RIMS1: variants seen among roughly 807,000 people sequenced by gnomAD.
RIMS1 encodes the protein regulating synaptic membrane exocytosis protein 1.
A neutral mutation model predicts 214.1 loss-of-function variants in RIMS1; 83 were observed. The observed-to-expected ratio is 0.39, with a 90% CI of 0.32 to 0.47. RIMS1 has a LOEUF of 0.47. RIMS1 is among the 20% of genes least tolerant of loss of function. RIMS1 has a pLI of 0.99. For synonymous variants in RIMS1, 793 were observed against 786.8 expected, an observed-to-expected ratio of 1.01 and a Z score of -0.13; for missense variants, 2,050 against 2,161.8, an observed-to-expected ratio of 0.95 and a Z score of 1.03.
chr6:72,018,716 A>G (rs1056262335), intron 2 of RIMS1, among the ~76,000 whole-genome samples: 2 of 152,214 alleles, frequency 1.3e-5, no homozygotes, highest in African/African-American at 4.8e-5. Flanking sequence ...CAGAGAGTGT[A>G]GTAACCTGGA....
chr6:72,213,032 CTCT>C, intron 6 of RIMS1: 4 of 1,519,842 alleles, frequency 2.6e-6, no homozygotes, highest in South Asian at 1.2e-5. Flanking sequence ...GCGCTTCACA[CTCT>C]TCTTAGATAA....
intron 4 of RIMS1, among the ~76,000 whole-genome samples, chr6:72,114,071 G>T (rs899344598): frequency 1.3e-5 from 2 of 151,930 alleles, no homozygotes; most frequent in South Asian, 4.1e-4. Context: ...AGAGAAAAAA[G>T]TTTCAAATGT....
chr6:71,907,622 G>T (rs1775639944), intron 1 of RIMS1, among the ~76,000 whole-genome samples: 1 of 152,016 alleles, frequency 6.6e-6, no homozygotes, highest in Non-Finnish European at 1.5e-5. Flanking sequence ...CTACACCTTT[G>T]CTGAGATCAA....
At chr6:72,205,257 C>G (rs950650898) in intron 6 of RIMS1, among the ~76,000 whole-genome samples, 1 of 151,946 alleles carries the variant, frequency 6.6e-6, no homozygotes, top group Non-Finnish European at 1.5e-5. Flanking sequence ...AGAGAATTGC[C>G]ATTAGATTTA....
At chr6:72,305,448 TTTAA>T (rs1323809248) in intron 26 of RIMS1, among the ~76,000 whole-genome samples, 6 of 152,150 alleles carry the variant, frequency 3.9e-5, no homozygotes, top group African/African-American at 1.4e-4. Context: ...TGCTTTAAGC[TTTAA>T]TTATAGAGCA....
chr6:71,990,321 G>C (rs942540044), intron 2 of RIMS1, among the ~76,000 whole-genome samples: 7 of 152,060 alleles, frequency 4.6e-5, no homozygotes, highest in Admixed American at 3.3e-4. Flanking sequence ...GCACGGTGAG[G>C]CTTCACTCAC....
chr6:72,087,432 G>A (rs536896522), intron 2 of RIMS1, among the ~76,000 whole-genome samples: 19 of 152,288 alleles, frequency 1.2e-4, no homozygotes, highest in African/African-American at 4.1e-4. Flanking sequence ...TCAAAACTCT[G>A]GCAGAATTGC....
chr6:72,263,881 T>A (rs1245149193), intron 19 of RIMS1: 1 of 367,918 alleles, frequency 2.7e-6, no homozygotes, highest in Non-Finnish European at 3.8e-6. Context: ...TAATCCCAGC[T>A]ACTTGGGAGG....
chr6:72,320,114 A>C (rs1054023651), intron 28 of RIMS1, among the ~76,000 whole-genome samples: 1 of 152,160 alleles, frequency 6.6e-6, no homozygotes, highest in South Asian at 2.1e-4. Context: ...ACAGTGCTTC[A>C]TGGTGAGTTG....
chr6:72,388,026 ATC>A (rs1274695948), intron 29 of RIMS1, among the ~76,000 whole-genome samples: 1 of 152,232 alleles, frequency 6.6e-6, no homozygotes, highest in Non-Finnish European at 1.5e-5. Context: ...TGATTTCACT[ATC>A]AACAGTTTAT....
At chr6:72,093,479 C>G (rs1210292970) in intron 2 of RIMS1, among the ~76,000 whole-genome samples, 1 of 151,472 alleles carries the variant, frequency 6.6e-6, no homozygotes, top group East Asian at 1.9e-4. Context: ...GTTTGTTTTT[C>G]TTAATAATTC....
intron 24 of RIMS1, among the ~76,000 whole-genome samples, chr6:72,286,297 A>C (rs531906314): frequency 1.3e-5 from 2 of 152,170 alleles, no homozygotes; most frequent in African/African-American, 2.4e-5. Context: ...ATACTATTTT[A>C]GAAAATGATA....
chr6:72,205,093 T>C (rs903438936), intron 6 of RIMS1, among the ~76,000 whole-genome samples: 1 of 152,160 alleles, frequency 6.6e-6, no homozygotes, highest in Non-Finnish European at 1.5e-5. Flanking sequence ...GTTCTCAGGA[T>C]TCTGTTTCTT....
At chr6:72,355,407 G>A (rs1451449445) in intron 29 of RIMS1, among the ~76,000 whole-genome samples, 4 of 152,052 alleles carry the variant, frequency 2.6e-5, no homozygotes, top group Admixed American at 6.5e-5. Context: ...TGTTGTTAGA[G>A]CAAAAATAAC....
intron 4 of RIMS1, among the ~76,000 whole-genome samples, chr6:72,121,978 C>A (rs533152393): frequency 6.6e-5 from 10 of 151,928 alleles, no homozygotes; most frequent in Admixed American, 5.3e-4. Flanking sequence ...TATGTAGAAC[C>A]AGCCTTGCAT....
chr6:72,254,306 G>A (rs2074827109), intron 16 of RIMS1, among the ~76,000 whole-genome samples: 1 of 152,116 alleles, frequency 6.6e-6, no homozygotes, highest in African/African-American at 2.4e-5. Context: ...TCATACTGGA[G>A]AGAAATTCAC....
At chr6:72,150,781 C>G (rs1302607534) in intron 4 of RIMS1, among the ~76,000 whole-genome samples, 1 of 152,160 alleles carries the variant, frequency 6.6e-6, no homozygotes, top group South Asian at 2.1e-4. Context: ...TTCCATTCTA[C>G]TTTTCAGGCT....
intron 29 of RIMS1, among the ~76,000 whole-genome samples, chr6:72,336,099 G>A (rs958960018): frequency 1.3e-5 from 2 of 151,828 alleles, no homozygotes; most frequent in Non-Finnish European, 2.9e-5. Context: ...TGATGTCCTT[G>A]AAGGAAACCA....
At chr6:72,033,437 C>T (rs565937905) in intron 2 of RIMS1, among the ~76,000 whole-genome samples, 150 of 152,296 alleles carry the variant, frequency 9.8e-4, no homozygotes, top group African/African-American at 3.4e-3. Flanking sequence ...TCGTGTGCCT[C>T]TTTTCAAAAA....
Sources: gnomAD v4.1 joint callset for allele counts (sites outside exome capture counted in the v4.1 genomes callset) on GRCh38, gnomAD v4.1.1 for gene constraint, MANE v1.5 for transcripts, NCBI Gene and HGNC (gene_info 2026-07-23, HGNC 2026-07-21) for gene names.